Variants in PCDHA8 observed in about 807,000 individuals in gnomAD.
PCDHA8 encodes the protein protocadherin alpha-8.
PCDHA8 carries 53 observed loss-of-function variants against 61.8 expected under a neutral mutation model. The ratio of observed to expected loss-of-function variants is 0.86; its 90% confidence interval spans 0.69 to 1.08. The LOEUF (loss-of-function observed/expected upper bound fraction) is 1.08. PCDHA8 is among the 50% of genes least tolerant of loss of function. The pLI, the probability that PCDHA8 is intolerant of heterozygous loss-of-function variation, is 0.00. For missense variants in PCDHA8, 1,293 were observed against 1,245.0 expected, an observed-to-expected ratio of 1.04 and a Z score of -0.58; for synonymous variants, 618 against 556.6, an observed-to-expected ratio of 1.11 and a Z score of -1.55.
intron 1 of PCDHA8, chr5:140,870,969 C>T: frequency 1.2e-6 from 2 of 1,613,644 alleles, no homozygotes; most frequent in Non-Finnish European, 1.7e-6. Context: ...TCCCGTTCCG[C>T]GTGGGGCTGT....
intron 1 of PCDHA8, among the ~76,000 whole-genome samples, chr5:140,941,301 TTTC>T (rs1554214297): frequency 1.4e-5 from 2 of 143,748 alleles, no homozygotes; most frequent in African/African-American, 2.6e-5. Flanking sequence ...TCTTTCTTTC[TTTC>T]TTTTTCTTCT....
In PCDHA8 at chr5:140,978,000, T is replaced by G. The variant is rs564788160; in HGVS notation, c.2395-949T>G. 2.0e-5 allele frequency among the ~76,000 whole-genome samples: 3 copies of G among 152,212 alleles called. No homozygotes were observed. In the South Asian group the frequency reaches 6.2e-4, roughly 32 times the overall value. On this transcript the variant is annotated intron_variant, in intron 1 of 3. Coordinates refer to ENST00000531613, the MANE Select transcript of PCDHA8 (RefSeq NM_018911.3). ...AACGCATCTAGAGGAGTGTCACAAG[T>G]TTTTCACAGTGACATTTTTGCTTAC...
chr5:140,999,363 A>G (rs772527438), intron 3 of PCDHA8, among the ~76,000 whole-genome samples: 1 of 152,198 alleles, frequency 6.6e-6, no homozygotes, highest in Non-Finnish European at 1.5e-5. Flanking sequence ...AATGTTCACA[A>G]TCCCATTAGA....
intron 1 of PCDHA8, chr5:140,877,194 A>G (rs1350324855): frequency 1.2e-6 from 2 of 1,613,646 alleles, no homozygotes; most frequent in Non-Finnish European, 1.7e-6. Context: ...GCAGCGCAGG[A>G]GGCGCAGTTA....
chr5:140,953,034 C>T (rs1337571700), intron 1 of PCDHA8, among the ~76,000 whole-genome samples: 1 of 152,168 alleles, frequency 6.6e-6, no homozygotes, highest in Non-Finnish European at 1.5e-5. Context: ...GGGAAATCCA[C>T]CCCCATGATC....
intron 1 of PCDHA8, among the ~76,000 whole-genome samples, chr5:140,920,841 T>TAAAA (rs781921146): frequency 7.3e-5 from 8 of 109,222 alleles, no homozygotes; most frequent in African/African-American, 1.0e-4. Flanking sequence ...AGACCAAATC[T>TAAAA]AAAAAAAAAA....
chr5:140,866,542 C>T (rs533433206), intron 1 of PCDHA8: 19 of 152,230 alleles, frequency 1.2e-4, no homozygotes, highest in African/African-American at 3.4e-4. Context: ...ATTAGCATCA[C>T]GGAATAAATC....
chr5:140,927,317 G>A lies in PCDHA8; in HGVS notation c.2395-51632G>A, dbSNP rs782172424. ...CCCGAGTTCCTGACGCCCGGAGCCCGCTTTACTCTCCCGAATGCCCAAGAT... is the reference window on the plus strand; with the variant it reads ...CCCGAGTTCCTGACGCCCGGAGCCCACTTTACTCTCCCGAATGCCCAAGAT... On this transcript the variant is annotated intron_variant, in intron 1 of 3. Coordinates refer to ENST00000531613, the MANE Select transcript of PCDHA8 (RefSeq NM_018911.3). 3.2e-5 allele frequency: 52 copies of A among 1,614,146 alleles called. 1 individual carries two copies. The South Asian group carries it at 5.2e-4, about 16-fold the overall frequency.
At position 140,850,419 on chromosome 5, in the gene PCDHA8, G is replaced by C. The variant is rs1465099022; in HGVS notation, c.2394+6704G>C. On this transcript the variant is annotated intron_variant, in intron 1 of 3. Transcript: ENST00000531613. ...AACGCGTGCCCTGGACGAAACGGAC[G>C]CACCGCGCCAGCGCCTACTGGTGCT... is the stretch of plus-strand genomic sequence containing the variant. The C allele has an allele frequency of 1.9e-6, 3 of 1,597,838 alleles. No homozygotes were observed. The South Asian group carries it at 3.3e-5, about 18-fold the overall frequency.
intron 1 of PCDHA8, among the ~76,000 whole-genome samples, chr5:140,878,943 T>C (rs968532854): frequency 6.6e-6 from 1 of 152,220 alleles, no homozygotes; most frequent in Non-Finnish European, 1.5e-5. Context: ...AATAAATATA[T>C]GGTATTGAAA....
At chr5:140,889,054 T>C in intron 1 of PCDHA8, among the ~76,000 whole-genome samples, 1 of 152,100 alleles carries the variant, frequency 6.6e-6, no homozygotes, top group Non-Finnish European at 1.5e-5. Flanking sequence ...TTTATAATCC[T>C]TTTAATATAC....
chr5:140,843,641 C>G lies in PCDHA8; in HGVS notation c.2320C>G (p.Pro774Ala), dbSNP rs2150364392. The G allele has an allele frequency of 6.3e-7, 1 of 1,595,514 alleles. No homozygotes were observed. Among genetic ancestry groups the G allele is most frequent in the Admixed American group, 1.7e-5 (1 of 59,302 alleles). ...PPKTDLMAFS[P>A]CLPPDLGSVD... The stretch of plus-strand genomic sequence containing the variant: ...GAAGACGGACCTCATGGCCTTCAGC[C>G]CCTGCCTTCCTCCTGATCTGGGATC... Residue 774 changes from proline to alanine, a missense_variant, in exon 1 of 4, where the codon CCC becomes GCC. By Grantham distance (27) the Pro-to-Ala change is conservative (BLOSUM62 -1). Coordinates refer to ENST00000531613, the MANE Select transcript of PCDHA8 (RefSeq NM_018911.3).
At chr5:140,883,311 C>T (rs1562787016) in intron 1 of PCDHA8, 9 of 1,613,984 alleles carry the variant, frequency 5.6e-6, no homozygotes, top group Non-Finnish European at 7.6e-6. Flanking sequence ...GATAACGCCC[C>T]AGAGGTTACC....
rs782184518 is a variant in PCDHA8 at position 140,875,731 on chromosome 5, A to G, written c.2394+32016A>G. On this transcript the variant is annotated intron_variant, in intron 1 of 3. Transcript: ENST00000531613. ...TCTGCAGAATGGCATTTTGTTTGTG[A>G]ATTCTCGGATCGACCGCGAGAAGCT... The G allele has an allele frequency of 1.2e-6, 2 of 1,614,032 alleles. No individual in the cohort carries two copies. Among genetic ancestry groups the G allele is most frequent in the African/African-American group, 2.7e-5 (2 of 74,906 alleles).
intron 1 of PCDHA8, chr5:140,929,210 G>C (rs782078369): frequency 1.9e-6 from 3 of 1,614,070 alleles, no homozygotes; most frequent in Non-Finnish European, 2.5e-6. Context: ...CTGTTGCGTG[G>C]GGAGTACAAT....
At chr5:140,975,068 C>G (rs1273763502) in intron 1 of PCDHA8, among the ~76,000 whole-genome samples, 2 of 152,134 alleles carry the variant, frequency 1.3e-5, no homozygotes, top group Non-Finnish European at 2.9e-5. Context: ...CGAGCTCATT[C>G]AGATTGTTGG....
chr5:140,906,827 G>C (rs2153497509), intron 1 of PCDHA8, among the ~76,000 whole-genome samples: 1 of 152,308 alleles, frequency 6.6e-6, no homozygotes, highest in South Asian at 2.1e-4. Flanking sequence ...TGGAGTAGTA[G>C]ACTGATTTCA....
intron 1 of PCDHA8, among the ~76,000 whole-genome samples, chr5:140,917,405 T>C (rs2153543748): frequency 6.6e-6 from 1 of 152,162 alleles, no homozygotes; most frequent in South Asian, 2.1e-4. Flanking sequence ...AGCTCTTTAG[T>C]TTAATTAGGC....
chr5:140,983,054 G>A (rs933321433), intron 3 of PCDHA8, among the ~76,000 whole-genome samples: 1 of 151,858 alleles, frequency 6.6e-6, no homozygotes. Flanking sequence ...GAAAATTATC[G>A]GAACCAAGGC....
Sources: gnomAD v4.1 joint callset for allele counts (sites outside exome capture counted in the v4.1 genomes callset) on GRCh38, gnomAD v4.1.1 for gene constraint, MANE v1.5 for transcripts, NCBI Gene and HGNC (gene_info 2026-07-23, HGNC 2026-07-21) for gene names.